Variants in SSH2 observed in about 807,000 individuals in gnomAD.
SSH2 encodes the protein slingshot protein phosphatase 2.
A neutral mutation model predicts 135.2 loss-of-function variants in SSH2; 37 were observed. The observed-to-expected ratio is 0.27, with a 90% CI of 0.21 to 0.36. The LOEUF (loss-of-function observed/expected upper bound fraction) is 0.36. Ranked by LOEUF, SSH2 falls within the 10% of genes least tolerant of loss-of-function variation. The pLI is 1.00. For missense variants in SSH2, 1,408 were observed against 1,765.3 expected (o/e 0.80, Z 3.63); for synonymous variants, 628 against 646.2 (o/e 0.97, Z 0.43).
intron 2 of SSH2, among the ~76,000 whole-genome samples, chr17:29,839,715 C>CT (rs1295056687): frequency 6.6e-6 from 1 of 152,200 alleles, no homozygotes; most frequent in Non-Finnish European, 1.5e-5. Flanking sequence ...AAAATAAACT[C>CT]TATAGATTAT....
At chr17:29,725,279 CG>C (rs1567919042) in intron 3 of SSH2, among the ~76,000 whole-genome samples, 1 of 139,066 alleles carries the variant, frequency 7.2e-6, no homozygotes, top group South Asian at 2.3e-4. Context: ...CCCAGGACGC[CG>C]AGGTTGCAGT....
intron 2 of SSH2, among the ~76,000 whole-genome samples, chr17:29,822,971 C>T (rs2042679639): frequency 1.3e-5 from 2 of 152,054 alleles, no homozygotes; most frequent in Admixed American, 1.3e-4. Context: ...ATATTTTTTC[C>T]TCAAAATACA....
At chr17:29,920,522 TTAAG>T (rs1173653137) in intron 1 of SSH2, among the ~76,000 whole-genome samples, 1 of 152,168 alleles carries the variant, frequency 6.6e-6, no homozygotes, top group Admixed American at 6.5e-5. Flanking sequence ...TATACCTGAA[TTAAG>T]TATTTGGGAA....
At chr17:29,650,310 T>A (rs562749015) in intron 13 of SSH2, among the ~76,000 whole-genome samples, 1 of 152,214 alleles carries the variant, frequency 6.6e-6, no homozygotes, top group African/African-American at 2.4e-5. Context: ...TCTGAAATAA[T>A]TTCTATGATA....
intron 3 of SSH2, among the ~76,000 whole-genome samples, chr17:29,772,288 C>T (rs2041603321): frequency 6.6e-6 from 1 of 151,232 alleles, no homozygotes; most frequent in African/African-American, 2.4e-5. Context: ...CTCTGTTGCC[C>T]AGGCTGGAGT....
chr17:29,669,162 T>C (rs2037391206), intron 9 of SSH2, among the ~76,000 whole-genome samples: 1 of 151,724 alleles, frequency 6.6e-6, no homozygotes, highest in Admixed American at 6.6e-5. Flanking sequence ...GGCAGGAGAA[T>C]TGCTGGAGCC....
At chr17:29,704,029 AGTT>A (rs1292617545) in intron 3 of SSH2, among the ~76,000 whole-genome samples, 2 of 152,228 alleles carry the variant, frequency 1.3e-5, no homozygotes, top group African/African-American at 4.8e-5. Flanking sequence ...AATAAAATGA[AGTT>A]GTTGTAAAGA....
intron 2 of SSH2, among the ~76,000 whole-genome samples, chr17:29,814,432 CAAAA>C (rs1179862061): frequency 0.012 from 465 of 39,072 alleles, 2 homozygotes; most frequent in African/African-American, 0.048. Flanking sequence ...GACTCTGTCT[CAAAA>C]AAAAAAAAAA....
At chr17:29,874,050 C>T (rs893587971) in intron 1 of SSH2, among the ~76,000 whole-genome samples, 2 of 151,954 alleles carry the variant, frequency 1.3e-5, no homozygotes, top group Non-Finnish European at 2.9e-5. Flanking sequence ...CCCAGCACTT[C>T]GGGAGGCTGA....
At chr17:29,709,850 G>C (rs2039372942) in intron 3 of SSH2, among the ~76,000 whole-genome samples, 1 of 152,190 alleles carries the variant, frequency 6.6e-6, no homozygotes, top group Non-Finnish European at 1.5e-5. Context: ...AGTAGAGCAA[G>C]TTGTAATATC....
intron 12 of SSH2, among the ~76,000 whole-genome samples, chr17:29,653,786 C>T (rs767208846): frequency 8.5e-5 from 13 of 152,116 alleles, no homozygotes; most frequent in Non-Finnish European, 1.8e-4. Context: ...CAGGGTTTCA[C>T]CATGTTAGCC....
chr17:29,888,845 T>A (rs904045840), intron 1 of SSH2, among the ~76,000 whole-genome samples: 2 of 123,494 alleles, frequency 1.6e-5, no homozygotes, highest in East Asian at 2.4e-4. Flanking sequence ...GAGGCTGAGG[T>A]GGGAGGATCA....
intron 3 of SSH2, among the ~76,000 whole-genome samples, chr17:29,737,136 T>C (rs1337605159): frequency 1.3e-5 from 2 of 150,970 alleles, no homozygotes; most frequent in African/African-American, 4.9e-5. Context: ...GGCTAATTTT[T>C]GTAACAGTTA....
chr17:29,786,414 G>A (rs1219754432), intron 3 of SSH2, among the ~76,000 whole-genome samples: 1 of 152,156 alleles, frequency 6.6e-6, no homozygotes, highest in African/African-American at 2.4e-5. Flanking sequence ...AGGAATTCTA[G>A]CCTTGCAGAA....
At chr17:29,838,343 C>T (rs1325153947) in intron 2 of SSH2, among the ~76,000 whole-genome samples, 1 of 152,186 alleles carries the variant, frequency 6.6e-6, no homozygotes, top group African/African-American at 2.4e-5. Flanking sequence ...GCAGGTGCCC[C>T]TTGGCATGAA....
At chr17:29,804,843 C>CTTTTTTT (rs531310094) in intron 2 of SSH2, among the ~76,000 whole-genome samples, 3 of 98,996 alleles carry the variant, frequency 3.0e-5, no homozygotes, top group Non-Finnish European at 5.9e-5. Flanking sequence ...CCACATCTGG[C>CTTTTTTT]TTTTTTTTTT....
chr17:29,896,728 C>G (rs878889984), intron 1 of SSH2, among the ~76,000 whole-genome samples: 2 of 151,494 alleles, frequency 1.3e-5, no homozygotes, highest in Admixed American at 1.3e-4. Context: ...ATGCAGCCTA[C>G]ACATTTAAAT....
chr17:29,881,409 C>T (rs1453258143), intron 1 of SSH2, among the ~76,000 whole-genome samples: 1 of 152,132 alleles, frequency 6.6e-6, no homozygotes, highest in Non-Finnish European at 1.5e-5. Context: ...GAATTGTGAA[C>T]AATCTGTAGT....
At chr17:29,844,330 A>T (rs2043094577) in intron 2 of SSH2, among the ~76,000 whole-genome samples, 1 of 152,246 alleles carries the variant, frequency 6.6e-6, no homozygotes, top group African/African-American at 2.4e-5. Context: ...ATAAACTAAT[A>T]TAACAAATAT....
Sources: allele counts gnomAD v4.1 joint callset (sites outside exome capture counted in the v4.1 genomes callset), GRCh38; gene constraint gnomAD v4.1.1; transcripts MANE v1.5; gene names NCBI Gene and HGNC (gene_info 2026-07-23, HGNC 2026-07-21).